GYS2: variants seen among roughly 807,000 people sequenced by gnomAD.
GYS2 encodes glycogen [starch] synthase, liver.
A neutral mutation model predicts 85.6 loss-of-function variants in GYS2; 80 were observed. That is an observed-to-expected ratio of 0.93 (90% CI 0.78 to 1.13). The LOEUF (loss-of-function observed/expected upper bound fraction) is 1.13, where lower values mean the gene tolerates loss of function less well. GYS2 is among the 50% of genes most tolerant of loss of function. The pLI, the probability that GYS2 is intolerant of heterozygous loss-of-function variation, is 0.00. For synonymous variants in GYS2, 328 were observed against 300.7 expected, an observed-to-expected ratio of 1.09 and a Z score of -0.94; for missense variants, 881 against 854.9, an observed-to-expected ratio of 1.03 and a Z score of -0.38.
chr12:21,551,176 A>T (rs1944106521), intron 11 of GYS2, among the ~76,000 whole-genome samples: 1 of 101,270 alleles, frequency 9.9e-6, no homozygotes, highest in Admixed American at 1.3e-4. Context: ...CCACCCCACA[A>T]CAGTCCCCAG....
intron 11 of GYS2, among the ~76,000 whole-genome samples, chr12:21,554,174 G>GTT (rs1555155437): frequency 5.3e-5 from 8 of 150,120 alleles, no homozygotes; most frequent in Non-Finnish European, 1.0e-4. Flanking sequence ...AAGGAAGGAG[G>GTT]GAAGGAAAAA....
chr12:21,551,900 A>G (rs904471190), intron 11 of GYS2, among the ~76,000 whole-genome samples: 1 of 152,224 alleles, frequency 6.6e-6, no homozygotes, highest in Non-Finnish European at 1.5e-5. Context: ...TAGCGTTTCC[A>G]AGCTTAGGAA....
intron 8 of GYS2, 51 bp downstream of exon 8, chr12:21,560,335 G>T: frequency 2.0e-6 from 2 of 1,010,318 alleles, no homozygotes; most frequent in Non-Finnish European, 3.2e-6. Context: ...TCACTTAAAA[G>T]AAATCTTTTC....
intron 1 of GYS2, among the ~76,000 whole-genome samples, chr12:21,588,258 C>T (rs960672616): frequency 1.1e-4 from 16 of 152,186 alleles, no homozygotes; most frequent in African/African-American, 3.9e-4. Context: ...TTAATAGCTA[C>T]TATATTTCTT....
At chr12:21,603,518 A>C (rs1003501564) in intron 1 of GYS2, among the ~76,000 whole-genome samples, 1 of 152,144 alleles carries the variant, frequency 6.6e-6, no homozygotes, top group Non-Finnish European at 1.5e-5. Context: ...CAGATCCTTT[A>C]GATTACTGTA....
At chr12:21,561,951 A>G (rs191461689) in intron 7 of GYS2, among the ~76,000 whole-genome samples, 162 of 152,292 alleles carry the variant, frequency 1.1e-3, no homozygotes, top group African/African-American at 3.3e-3. Context: ...AGATTTTCTC[A>G]TTATCTCATT....
intron 2 of GYS2, among the ~76,000 whole-genome samples, chr12:21,579,231 C>G (rs1944480093): frequency 6.6e-6 from 1 of 151,960 alleles, no homozygotes; most frequent in Non-Finnish European, 1.5e-5. Flanking sequence ...TGGCTTAAAA[C>G]AAATTTATTA....
intron 1 of GYS2, among the ~76,000 whole-genome samples, chr12:21,590,547 G>C (rs895728171): frequency 6.6e-6 from 1 of 152,132 alleles, no homozygotes; most frequent in Non-Finnish European, 1.5e-5. Context: ...GGAGCCAGAG[G>C]GTTGTCCTGC....
chr12:21,562,130 G>A (rs945090137), intron 7 of GYS2, among the ~76,000 whole-genome samples: 11 of 152,094 alleles, frequency 7.2e-5, no homozygotes, highest in Non-Finnish European at 1.3e-4. Context: ...TCGGTTAGTT[G>A]AGAACCCACT....
chr12:21,544,509 GT>G (rs1314155549), intron 12 of GYS2, among the ~76,000 whole-genome samples: 1 of 152,116 alleles, frequency 6.6e-6, no homozygotes, highest in African/African-American at 2.4e-5. Context: ...CATGCATTTG[GT>G]TGTATACTCT....
At position 21,563,055 on chromosome 12, in the gene GYS2, CCAAA is replaced by C. The variant is rs1944274829; in HGVS notation, c.942-21_942-18del. On this transcript the variant is annotated intron_variant, in intron 6 of 15. Transcript: ENST00000261195. ...TCGAGATGACTAAAACAAAACAAAA[CCAAA>C]CAGTTTCAAATGAAATACAGCAACA... The C allele has an allele frequency of 1.9e-6, 3 of 1,585,904 alleles. No homozygotes were observed. The South Asian group carries it at 3.3e-5, about 18-fold the overall frequency.
At chr12:21,554,086 A>G (rs1944146097) in intron 11 of GYS2, among the ~76,000 whole-genome samples, 1 of 152,058 alleles carries the variant, frequency 6.6e-6, no homozygotes. Flanking sequence ...TTTTTATTAA[A>G]TACATTGACT....
At chr12:21,563,515 A>T (rs995117236) in intron 5 of GYS2, among the ~76,000 whole-genome samples, 170 bp from the exon 6 acceptor site, 3 of 152,208 alleles carry the variant, frequency 2.0e-5, no homozygotes, top group African/African-American at 7.2e-5. Context: ...AATTCATAAA[A>T]ATTCGCAACA....
chr12:21,542,399 T>C, intron 13 of GYS2, 97 bp downstream of exon 13: 1 of 813,196 alleles, frequency 1.2e-6, no homozygotes, highest in Non-Finnish European at 2.2e-6. Flanking sequence ...AGTTTAATTA[T>C]CAGGATAGCT....
rs2136830022 is a variant in GYS2, at chr12:21,536,408, A to T, written c.*546T>A. 1 of 160,734 alleles carries T rather than the reference A, an allele frequency of 6.2e-6. No individual in the cohort carries two copies. Among genetic ancestry groups the T allele is most frequent in the African/African-American group, 2.4e-5 (1 of 41,606 alleles). 10.0% of individuals were successfully genotyped at this position (160,734 alleles called of 1,614,324 possible). A position where few individuals can be genotyped will look rare whatever the true frequency, so the allele number is the denominator to read the frequency against. ...TCCATTAATATGCATCAAAATATGG[A>T]CTTAGGATAGCTATTCACTCATGGA... is the stretch of plus-strand genomic sequence containing the variant. On this transcript the variant is annotated 3_prime_UTR_variant, in exon 16 of 16. Transcript: ENST00000261195.
In GYS2 at chr12:21,576,075, C is replaced by T. The variant is rs1263996186; in HGVS notation, c.304-18G>A. ...AAATGCACCTGTCATATAAAGAACACAGCCATGTAGTGATATTAAGTCATG... is the reference window on the plus strand; with the variant it reads ...AAATGCACCTGTCATATAAAGAACATAGCCATGTAGTGATATTAAGTCATG... On this transcript the variant is annotated intron_variant, in intron 2 of 15. Transcript: ENST00000261195. 6.3e-7 allele frequency: 1 copy of T among 1,597,778 alleles called. No homozygotes were observed. The highest frequency in any genetic ancestry group is 8.6e-7 in the Non-Finnish European group (1 of 1,168,650).
rs142484821 is a variant in GYS2, at chr12:21,568,990, G to A, written c.698C>T (p.Ala233Val). The change falls in exon 5 of 16, where the codon GCT (alanine) becomes GTT (valine). Residue 233 changes from alanine to valine, a missense_variant. Transcript: ENST00000261195. The part of the protein sequence containing the change: ...HLDKFNIDKE[A>V]GERQIYHRYC... ...CCGGTGGTAAATCTGCCTTTCCCCA[G>A]CCTCTTTGTCAATGTTAAACTGTTA... The A allele has an allele frequency of 3.7e-6, 6 of 1,614,034 alleles. No homozygotes were observed. Among genetic ancestry groups the A allele is most frequent in the Non-Finnish European group, 5.1e-6 (6 of 1,179,944 alleles).
intron 1 of GYS2, among the ~76,000 whole-genome samples, chr12:21,582,594 G>GATAGAT (rs71053324): frequency 0.052 from 7,777 of 148,852 alleles, 611 homozygotes; most frequent in African/African-American, 0.17. Context: ...TAGATATAGA[G>GATAGAT]ATAGATATAG....
Position 21,559,154 on chromosome 12 carries a change from G to A in GYS2, c.1245C>T (p.Asp415=), listed in dbSNP as rs16924002. 1.1e-5 allele frequency: 18 copies of A among 1,605,452 alleles called. No individual in the cohort carries two copies. The South Asian group carries it at 1.7e-4, about 15-fold the overall frequency. The part of the protein sequence containing the change: ...YDALLRGEIP[D]LNDILDRDDL... ...CATCTCGATCTAAAATATCGTTCAG[G>A]TCAGGAATTTCTCCTCTGCAGGGAA... The change falls in exon 10 of 16, where the codon GAC becomes GAT. Residue 415 remains aspartate (D), a synonymous_variant. Transcript: ENST00000261195.
Sources: allele counts gnomAD v4.1 joint callset (sites outside exome capture counted in the v4.1 genomes callset), GRCh38; gene constraint gnomAD v4.1.1; transcripts MANE v1.5; gene names NCBI Gene and HGNC (gene_info 2026-07-23, HGNC 2026-07-21).